FBXL19: variants seen among roughly 807,000 people sequenced by gnomAD.
FBXL19 encodes F-box/LRR-repeat protein 19.
FBXL19 carries 16 observed loss-of-function variants against 71.2 expected under a neutral mutation model. The ratio of observed to expected loss-of-function variants is 0.22; its 90% CI spans 0.15 to 0.34. FBXL19 has a LOEUF of 0.34. Ranked by LOEUF, FBXL19 falls within the 10% of genes least tolerant of loss-of-function variation. The pLI is 1.00. For synonymous variants in FBXL19, 447 were observed against 409.4 expected (o/e 1.09, Z -1.11); for missense variants, 658 against 968.2 (o/e 0.68, Z 4.25).
intron 7 of FBXL19, among the ~76,000 whole-genome samples, chr16:30,939,049 C>T (rs920724522): frequency 1.3e-5 from 2 of 152,008 alleles, no homozygotes; most frequent in Admixed American, 1.3e-4. Context: ...TTTAATAACT[C>T]TGGTCTTTTT....
chr16:30,922,871 GC>G (rs1643376383), upstream of FBXL19: 1 of 358,502 alleles, frequency 2.8e-6, no homozygotes. Context: ...CCACAGGCGG[GC>G]GAGGTGCCCA....
rs2055892053 is a variant in FBXL19, at chr16:30,948,489, AG to A, written c.*1261del. On this transcript the variant is annotated 3_prime_UTR_variant, in exon 11 of 11. Coordinates refer to ENST00000338343, the MANE Select transcript of FBXL19 (RefSeq NM_001382779.1). The stretch of plus-strand genomic sequence containing the variant: ...CGGGACCCCGGGGATGAGCCGGGCC[AG>A]GTCCCGCCCCTCCGCGCAGGCCTCC... 1 of 151,146 alleles carries A rather than the reference AG, an allele frequency of 6.6e-6. No individual in the cohort carries two copies. Among genetic ancestry groups the A allele is most frequent in the Admixed American group, 6.6e-5 (1 of 15,170 alleles). 9.4% of individuals were successfully genotyped at this position (151,146 alleles called of 1,614,324 possible).
At chr16:30,936,636 C>T (rs1354539560) in intron 7 of FBXL19, among the ~76,000 whole-genome samples, 5 of 129,666 alleles carry the variant, frequency 3.9e-5, no homozygotes, top group Admixed American at 8.7e-5. Context: ...TTAGTAGAGA[C>T]GGGGTTTCAC....
Position 30,946,337 on chromosome 16 carries a change from G to A in FBXL19, c.1628-393G>A, listed in dbSNP as rs2055858301. 6.6e-6 allele frequency among the ~76,000 whole-genome samples: 1 copy of A among 152,116 alleles called. No homozygotes were observed. The highest frequency in any genetic ancestry group is 6.5e-5 in the Admixed American group (1 of 15,272). Reference sequence around the variant, plus strand: ...TCCTGCCTCAGCCTCCTGAGTAGCCGGGATTACAGGCGCCTGCCACCATAC... The same window carrying A: ...TCCTGCCTCAGCCTCCTGAGTAGCCAGGATTACAGGCGCCTGCCACCATAC... On this transcript the variant is annotated intron_variant, in intron 9 of 10. Coordinates refer to ENST00000338343, the MANE Select transcript of FBXL19 (RefSeq NM_001382779.1). This position sits in a 1 kb window ranked among gnomAD's most constrained non-coding sequence, Gnocchi z 6.7.
rs962082230 is a variant in FBXL19, at chr16:30,948,668, G to C, written c.*1438G>C. 3.3e-5 allele frequency: 5 copies of C among 152,430 alleles called. No homozygotes were observed. The highest frequency in any genetic ancestry group is 2.1e-4 in the South Asian group (1 of 4,830). The allele number at this position is 152,430 out of a possible 1,614,324, so 9.4% of individuals were successfully genotyped here. A position where few individuals can be genotyped will look rare whatever the true frequency, so the allele number is the denominator to read the frequency against. On this transcript the variant is annotated 3_prime_UTR_variant, in exon 11 of 11. Transcript: ENST00000338343. ...AGAGGCTTGAGAATGGGGCCGCTTG[G>C]GGGAGGGAAGAGGCAGCCCGGCGAG...
chr16:30,922,951 C>A (rs1350844901), upstream of FBXL19: 2 of 423,904 alleles, frequency 4.7e-6, no homozygotes, highest in Admixed American at 4.9e-5. Flanking sequence ...TCCTCGTCCT[C>A]CTGGTTCCGC....
chr16:30,924,527 G>A (rs1166716485), intron 1 of FBXL19, 68 bp downstream of exon 1: 3 of 1,063,030 alleles, frequency 2.8e-6, no homozygotes, highest in Non-Finnish European at 2.5e-6. Context: ...TCCTCAGCCC[G>A]GCCTCTCTCT....
At position 30,940,115 on chromosome 16, in the gene FBXL19, G is replaced by A. The variant is rs957736686; in HGVS notation, c.1302-2001G>A. 3.3e-5 allele frequency among the ~76,000 whole-genome samples: 5 copies of A among 152,154 alleles called. 1 individual carries two copies. Among genetic ancestry groups the A allele is most frequent in the African/African-American group, 4.8e-5 (2 of 41,524 alleles). On this transcript the variant is annotated intron_variant, in intron 7 of 10. Coordinates refer to ENST00000338343, the MANE Select transcript of FBXL19 (RefSeq NM_001382779.1). Reference sequence around the variant, plus strand: ...CTACTAAAAATACAAAAAATTAGCCGGGCGTGGTGGCGCATGCCTGTAATC... The same window carrying A: ...CTACTAAAAATACAAAAAATTAGCCAGGCGTGGTGGCGCATGCCTGTAATC...
rs893388940 is a variant in FBXL19, at chr16:30,930,237, C to T, written c.954C>T (p.Gly318=). 4 of 1,613,014 alleles carry T rather than the reference C, an allele frequency of 2.5e-6. No homozygotes were observed. The highest frequency in any genetic ancestry group is 1.7e-5 in the Admixed American group (1 of 60,034). ...CAGACTCCGACTCCGACTCTTCGGG[C>T]ACATCGCTGAGTGAGGACGAAGCCC... ...SDSDSDSDSS[G]TSLSEDEAPG... The change falls in exon 7 of 11, where the codon GGC becomes GGT. Residue 318 remains glycine, a synonymous_variant. Transcript: ENST00000338343. The surrounding 1 kb of genome is among the most constrained non-coding windows in gnomAD (Gnocchi z 8.5).
At position 30,930,599 on chromosome 16, in the gene FBXL19, C is replaced by T. The variant is rs1283677708; in HGVS notation, c.1301+15C>T. ...TGGAGCCGCTGGTGAGTGGCCTGGA[C>T]AGGCCTGCGTTCCGTGGCCAGCAGG... On this transcript the variant is annotated intron_variant, in intron 7 of 10. Coordinates refer to ENST00000338343, the MANE Select transcript of FBXL19 (RefSeq NM_001382779.1). This position sits in a 1 kb window ranked among gnomAD's most constrained non-coding sequence, Gnocchi z 8.5. 9.1e-6 allele frequency: 13 copies of T among 1,433,256 alleles called. No individual in the cohort carries two copies. Among genetic ancestry groups the T allele is most frequent in the Non-Finnish European group, 1.1e-5 (12 of 1,097,752 alleles). 88.8% of individuals were successfully genotyped at this position (1,433,256 alleles called of 1,614,324 possible). A position where few individuals can be genotyped will look rare whatever the true frequency, so the allele number is the denominator to read the frequency against.
rs2055807222 is a variant in FBXL19 at position 30,942,003 on chromosome 16, G to T, written c.1302-113G>T. ...GTCAGGTGCTTCTTGCTACCCTGTTGTCTGTGTGGCCAGAAGAGAGCTGGG... is the reference window on the plus strand; with the variant it reads ...GTCAGGTGCTTCTTGCTACCCTGTTTTCTGTGTGGCCAGAAGAGAGCTGGG... On this transcript the variant is annotated intron_variant, in intron 7 of 10. Coordinates refer to ENST00000338343, the MANE Select transcript of FBXL19 (RefSeq NM_001382779.1). This position sits in a 1 kb window ranked among gnomAD's most constrained non-coding sequence, Gnocchi z 5.7. 8.2e-7 allele frequency: 1 copy of T among 1,225,618 alleles called. No individual in the cohort carries two copies. The highest frequency in any genetic ancestry group is 2.7e-5 in the East Asian group (1 of 37,454). The allele number at this position is 1,225,618 out of a possible 1,614,324, so 75.9% of individuals were successfully genotyped here.
chr16:30,931,046 T>C (rs998037579), intron 7 of FBXL19, among the ~76,000 whole-genome samples: 3 of 152,160 alleles, frequency 2.0e-5, no homozygotes, highest in African/African-American at 7.2e-5. Flanking sequence ...GAGAACGCCA[T>C]GTGCTGGGCT....
intron 7 of FBXL19, among the ~76,000 whole-genome samples, chr16:30,935,588 A>G (rs2143351055): frequency 6.6e-6 from 1 of 152,254 alleles, no homozygotes; most frequent in East Asian, 1.9e-4. Flanking sequence ...ATGGTCGGGT[A>G]GGGTCTGGAG....
At chr16:30,928,141 GA>G (rs748587803) in intron 5 of FBXL19, among the ~76,000 whole-genome samples, 178 bp downstream of exon 5, 27 of 151,018 alleles carry the variant, frequency 1.8e-4, no homozygotes, top group Admixed American at 4.6e-4. Context: ...CAGTGTGGAG[GA>G]GGGGGGGGAC....
chr16:30,943,404 TTG>T (rs1180055752), intron 9 of FBXL19, among the ~76,000 whole-genome samples: 1 of 146,152 alleles, frequency 6.8e-6, no homozygotes, highest in Non-Finnish European at 1.5e-5. Context: ...AGGTGAAGTC[TTG>T]CTCTGTCGCC....
At position 30,927,987 on chromosome 16, in the gene FBXL19, A is replaced by G. The variant is rs2055617601; in HGVS notation, c.627+24A>G. On this transcript the variant is annotated intron_variant, in intron 5 of 10. Transcript: ENST00000338343. ...AGGTGAGCCACGGAGCACGCTCACT[A>G]GGCTTGTCCTGAGGAATTCTGGGAG... 20 of 1,402,050 alleles carry G rather than the reference A, an allele frequency of 1.4e-5. No individual in the cohort carries two copies. The East Asian group carries it at 4.9e-4, about 34-fold the overall frequency. The allele number at this position is 1,402,050 out of a possible 1,614,324, so 86.9% of individuals were successfully genotyped here. A position where few individuals can be genotyped will look rare whatever the true frequency, so the allele number is the denominator to read the frequency against.
At chr16:30,923,037 G>GT (rs2055540857), upstream of FBXL19, 1 of 456,874 alleles carries the variant, frequency 2.2e-6, no homozygotes, top group East Asian at 6.9e-5. Context: ...CTAGTCAGGT[G>GT]TATGTCCCTC....
chr16:30,933,142 AGGCATAC>A (rs2055694033), intron 7 of FBXL19, among the ~76,000 whole-genome samples: 1 of 152,020 alleles, frequency 6.6e-6, no homozygotes, highest in African/African-American at 2.4e-5. Flanking sequence ...CTGGGACTAC[AGGCATAC>A]GGTACCACGC....
chr16:30,925,816 G>A lies in FBXL19; in HGVS notation c.62G>A (p.Arg21His). The A allele has an allele frequency of 1.3e-6, 2 of 1,499,204 alleles. No homozygotes were observed. Among genetic ancestry groups the A allele is most frequent in the Non-Finnish European group, 8.9e-7 (1 of 1,126,944 alleles). The allele number at this position is 1,499,204 out of a possible 1,614,324, so 92.9% of individuals were successfully genotyped here. A position where few individuals can be genotyped will look rare whatever the true frequency, so the allele number is the denominator to read the frequency against. The change falls in exon 2 of 11, where the codon CGC becomes CAC. Residue 21 changes from arginine (R) to histidine (H), a missense_variant. Around this residue, in one of 8 missense-constraint regions of FBXL19, gnomAD observed 33 missense variants for 75.4 expected, o/e 0.44. Coordinates refer to ENST00000338343, the MANE Select transcript of FBXL19 (RefSeq NM_001382779.1). This position sits in a 1 kb window ranked among gnomAD's most constrained non-coding sequence, Gnocchi z 5.0. Reference protein sequence around the residue: ...GARRRRTRCRRCRACVRTECG... With the variant: ...GARRRRTRCRHCRACVRTECG... ...CGCCGACGCCGAACCCGCTGCCGCC[G>A]CTGCCGGGCCTGTGTGCGAACTGAG... is the stretch of plus-strand genomic sequence containing the variant.
Sources: gnomAD v4.1 joint callset for allele counts (sites outside exome capture counted in the v4.1 genomes callset) on GRCh38, gnomAD v4.1.1 for gene constraint, gnomAD v4.1.1 regional missense constraint, Gnocchi (gnomAD v3.1) non-coding constraint, MANE v1.5 for transcripts, NCBI Gene and HGNC (gene_info 2026-07-23, HGNC 2026-07-21) for gene names.